TACC1: variants seen among roughly 807,000 people sequenced by gnomAD.
TACC1 encodes transforming acidic coiled-coil containing protein 1.
Under a neutral mutation model 84.4 loss-of-function variants are expected in TACC1, and 48 were observed. The observed-to-expected ratio is 0.57, with a 90% CI of 0.45 to 0.72. TACC1 has a LOEUF of 0.72. Among genes scored for constraint, TACC1 ranks in the 30% least tolerant of loss-of-function variants. The pLI is 0.00. For missense variants in TACC1, 920 were observed against 973.0 expected (o/e 0.95, Z 0.72); for synonymous variants, 372 against 376.3 (o/e 0.99, Z 0.13).
At chr8:38,782,660 T>A (rs1816267115), upstream of TACC1, among the ~76,000 whole-genome samples, 2 of 152,354 alleles carry the variant, frequency 1.3e-5, no homozygotes, top group African/African-American at 4.8e-5. Context: ...AAGATGATAT[T>A]CCTGTTTAAC....
At chr8:38,776,152 T>G (rs1292377065) in intron 3 of TACC1, among the ~76,000 whole-genome samples, 1 of 152,214 alleles carries the variant, frequency 6.6e-6, no homozygotes, top group Non-Finnish European at 1.5e-5. Flanking sequence ...ATAACCTTCA[T>G]CAATATGTAA....
At chr8:38,728,856 A>G (rs1029119328) in intron 1 of TACC1, 1 of 152,190 alleles carries the variant, frequency 6.6e-6, no homozygotes. Context: ...TTCCAAGTTG[A>G]ACTTTAATTC....
chr8:38,763,551 ATTTACAATAT>A (rs1811635769), intron 3 of TACC1, among the ~76,000 whole-genome samples: 2 of 152,188 alleles, frequency 1.3e-5, no homozygotes, highest in African/African-American at 4.8e-5. Context: ...CAAATACAGT[ATTTACAATAT>A]CACAATTGTA....
chr8:38,743,375 A>G (rs1807460308), intron 2 of TACC1, among the ~76,000 whole-genome samples: 1 of 152,240 alleles, frequency 6.6e-6, no homozygotes, highest in Non-Finnish European at 1.5e-5. Flanking sequence ...CTGCCAGAAG[A>G]AATACAAGAG....
intron 2 of TACC1, among the ~76,000 whole-genome samples, chr8:38,806,996 C>G (rs532456566): frequency 1.5e-4 from 23 of 152,226 alleles, no homozygotes; most frequent in African/African-American, 5.5e-4. Context: ...TAGAATAACT[C>G]CGAGAATTCA....
intron 9 of TACC1, among the ~76,000 whole-genome samples, chr8:38,841,419 C>G (rs995002766): frequency 7.9e-5 from 12 of 152,184 alleles, no homozygotes; most frequent in African/African-American, 2.9e-4. Flanking sequence ...AAGAAGAACA[C>G]TTGTTTATAG....
chr8:38,820,476 C>G lies in TACC1; in HGVS notation c.1232C>G (p.Ser411Cys). ...CTGCAGAACTCCCCACCCCTCTCTT[C>G]TGAGGGCTCCTACCACTTTGACCCA... ...SVLQNSPPLS[S>C]EGSYHFDPDN... Residue 411 changes from serine to cysteine, a missense_variant, in exon 3 of 13, where the codon TCT (serine) becomes TGT (cysteine). Around this residue, in one of 2 missense-constraint regions of TACC1, gnomAD observed 762 missense variants for 747.3 expected, o/e 1.02. Coordinates refer to ENST00000317827, the MANE Select transcript of TACC1 (RefSeq NM_006283.3). The G allele has an allele frequency of 6.2e-7, 1 of 1,614,224 alleles. No homozygotes were observed.
At chr8:38,820,895 TAG>T (rs1398628309) in intron 3 of TACC1, among the ~76,000 whole-genome samples, 3 of 152,040 alleles carry the variant, frequency 2.0e-5, no homozygotes, top group Non-Finnish European at 2.9e-5. Flanking sequence ...CCCTTGACCC[TAG>T]AGACTTTTTT....
At chr8:38,827,657 TTAAAG>T in intron 5 of TACC1, 1 of 435,540 alleles carries the variant, frequency 2.3e-6, no homozygotes, top group Non-Finnish European at 4.2e-6. Context: ...TGGCCATATC[TTAAAG>T]TATAGTGGTG....
intron 3 of TACC1, among the ~76,000 whole-genome samples, chr8:38,772,028 AG>A (rs1813728149): frequency 1.1e-5 from 1 of 93,428 alleles, no homozygotes; most frequent in Non-Finnish European, 2.9e-5. Flanking sequence ...AAAGAAAAAG[AG>A]AGAGAGAGAG....
intron 4 of TACC1, among the ~76,000 whole-genome samples, chr8:38,826,533 A>C (rs1422637648): frequency 6.6e-6 from 1 of 152,170 alleles, no homozygotes; most frequent in African/African-American, 2.4e-5. Flanking sequence ...CTTAAAGAAA[A>C]AAGTTTCACA....
intron 3 of TACC1, among the ~76,000 whole-genome samples, chr8:38,822,858 G>A (rs959078313): frequency 4.6e-5 from 7 of 152,054 alleles, no homozygotes; most frequent in Non-Finnish European, 1.0e-4. Context: ...ATAACCCTAC[G>A]GGACCACCAT....
chr8:38,785,335 G>A (rs1021618444), upstream of TACC1, among the ~76,000 whole-genome samples: 2 of 152,128 alleles, frequency 1.3e-5, no homozygotes, highest in African/African-American at 4.8e-5. Context: ...TTTTTAAGAA[G>A]GCTGGCGGAT....
chr8:38,789,997 G>A (rs921673967), intron 2 of TACC1, among the ~76,000 whole-genome samples: 1 of 152,184 alleles, frequency 6.6e-6, no homozygotes, highest in African/African-American at 2.4e-5. Flanking sequence ...GTAACTTAGC[G>A]GCTTACAATA....
At chr8:38,759,719 A>G (rs1212946478) in intron 3 of TACC1, among the ~76,000 whole-genome samples, 2 of 152,250 alleles carry the variant, frequency 1.3e-5, no homozygotes, top group Non-Finnish European at 2.9e-5. Context: ...TACTGGCCTC[A>G]TCTGTATGTG....
At position 38,819,626 on chromosome 8, in the gene TACC1, G is replaced by A; in HGVS notation, c.382G>A (p.Asp128Asn). ...SENEVPQQAI[D>N]SHSVKNFREE... The stretch of plus-strand genomic sequence containing the variant: ...AAATGAAGTGCCACAGCAGGCCATT[G>A]ACTCTCACTCAGTCAAGAATTTCAG... The change falls in exon 3 of 13, where the codon GAC becomes AAC. Residue 128 changes from aspartate (D) to asparagine (N), a missense_variant. Asp to Asn is a conservative substitution (Grantham distance 23). Coordinates refer to ENST00000317827, the MANE Select transcript of TACC1 (RefSeq NM_006283.3). The A allele has an allele frequency of 6.2e-7, 1 of 1,614,210 alleles. No homozygotes were observed. Among genetic ancestry groups the A allele is most frequent in the Non-Finnish European group, 8.5e-7 (1 of 1,180,048 alleles).
At chr8:38,782,985 A>G (rs1816330709), upstream of TACC1, among the ~76,000 whole-genome samples, 1 of 152,028 alleles carries the variant, frequency 6.6e-6, no homozygotes, top group Admixed American at 6.6e-5. Context: ...TATAAAGTCA[A>G]TAAACATATA....
chr8:38,770,663 A>C (rs916917642), intron 3 of TACC1, among the ~76,000 whole-genome samples: 1 of 152,052 alleles, frequency 6.6e-6, no homozygotes, highest in South Asian at 2.1e-4. Context: ...TGAATGACTG[A>C]CTTTAATTAA....
At chr8:38,819,134 A>G (rs1335027489) in intron 2 of TACC1, among the ~76,000 whole-genome samples, 3 of 152,194 alleles carry the variant, frequency 2.0e-5, no homozygotes, top group Non-Finnish European at 2.9e-5. Context: ...CTGTCTCAGC[A>G]CCAATCTGCC....
Sources: allele counts gnomAD v4.1 joint callset (sites outside exome capture counted in the v4.1 genomes callset), GRCh38; gene constraint gnomAD v4.1.1; regional missense constraint gnomAD v4.1.1; transcripts MANE v1.5; gene names NCBI Gene and HGNC (gene_info 2026-07-23, HGNC 2026-07-21).